The following ZFR2 variants were observed in gnomAD, a reference collection of about 807,000 sequenced individuals.
ZFR2 encodes zinc finger RNA binding protein 2, also known as zinc finger RNA-binding protein 2.
A neutral mutation model predicts 105.7 loss-of-function variants in ZFR2; 104 were observed. The observed-to-expected ratio is 0.98, with a 90% confidence interval of 0.84 to 1.16. ZFR2 has a LOEUF of 1.16. ZFR2 is among the 50% of genes most tolerant of loss of function. The probability of loss-of-function intolerance (pLI) is 0.00; values close to 1 mark genes in which losing one functional copy is unlikely to be tolerated. For synonymous variants in ZFR2, 634 were observed against 597.7 expected, an observed-to-expected ratio of 1.06 and a Z score of -0.89; for missense variants, 1,425 against 1,355.5, an observed-to-expected ratio of 1.05 and a Z score of -0.80.
At chr19:3,843,615 G>A (rs184509278) in intron 1 of ZFR2, among the ~76,000 whole-genome samples, 2,460 of 151,946 alleles carry the variant, frequency 0.016, 67 homozygotes, top group African/African-American at 0.056. Flanking sequence ...GGCAGATCAC[G>A]AGGTCAGGAG....
At chr19:3,844,791 C>G (rs1232407547) in intron 1 of ZFR2, among the ~76,000 whole-genome samples, 1 of 152,198 alleles carries the variant, frequency 6.6e-6, no homozygotes, top group Non-Finnish European at 1.5e-5. Context: ...GAGAACGAGG[C>G]CTGGTACTCT....
intron 1 of ZFR2, among the ~76,000 whole-genome samples, chr19:3,837,824 GATGAACACCATGACTGTGACACTCA>G (rs1402187014): frequency 4.0e-5 from 6 of 151,704 alleles, no homozygotes; most frequent in African/African-American, 1.5e-4. Context: ...ATGGACACTC[GATGAACACCATGACTGTGACACTCA>G]ATGAACACCA....
intron 1 of ZFR2, among the ~76,000 whole-genome samples, chr19:3,840,114 CCTT>C (rs1354411147): frequency 1.3e-5 from 2 of 152,210 alleles, no homozygotes; most frequent in Non-Finnish European, 2.9e-5. Flanking sequence ...GATTTTAACT[CCTT>C]CTTCCCTACG....
intron 1 of ZFR2, among the ~76,000 whole-genome samples, chr19:3,848,478 A>G (rs763259979): frequency 3.3e-5 from 5 of 152,098 alleles, no homozygotes; most frequent in Non-Finnish European, 5.9e-5. Flanking sequence ...TGGGAGGCCA[A>G]GATGGGAGGA....
chr19:3,844,393 A>C (rs1451462372), intron 1 of ZFR2, among the ~76,000 whole-genome samples: 1 of 151,672 alleles, frequency 6.6e-6, no homozygotes, highest in Admixed American at 6.6e-5. Flanking sequence ...TTTGAGACAG[A>C]ATCTTGCTCT....
At chr19:3,810,995 A>G in intron 15 of ZFR2, 150 bp from the exon 16 acceptor site, 1 of 902,648 alleles carries the variant, frequency 1.1e-6, no homozygotes, top group Non-Finnish European at 1.6e-6. Context: ...GTCCACTCCC[A>G]CATGAGCCCG....
At chr19:3,857,695 CA>C (rs11367233) in intron 1 of ZFR2, among the ~76,000 whole-genome samples, 47,767 of 104,252 alleles carry the variant, frequency 0.46, 8,708 homozygotes, top group Admixed American at 0.52. Flanking sequence ...GACCCTGTCT[CA>C]AAAAAAAAAA....
chr19:3,811,243 TC>T, intron 15 of ZFR2, 28 bp downstream of exon 15: 1 of 1,525,434 alleles, frequency 6.6e-7, no homozygotes, highest in Non-Finnish European at 8.8e-7. Context: ...GTCACCCCTC[TC>T]CCCCTGCTCC....
In ZFR2 at chr19:3,833,721, A is replaced by G. The variant is rs1354644849; in HGVS notation, c.322T>C (p.Phe108Leu). 1 of 1,582,320 alleles carries G rather than the reference A, an allele frequency of 6.3e-7. No homozygotes were observed. Among genetic ancestry groups the G allele is most frequent in the East Asian group, 2.3e-5 (1 of 43,320 alleles). The part of the protein sequence containing the change: ...AARSYEDRPY[F>L]QSAALQSGRM... The stretch of plus-strand genomic sequence containing the variant: ...CCAGACTGGAGGGCAGCAGACTGGA[A>G]GTACGGCCTGTCCTCATAGCTCCTG... Residue 108 changes from phenylalanine (F) to leucine (L), a missense_variant, in exon 3 of 19, where the codon TTC becomes CTC. Coordinates refer to ENST00000262961, the MANE Select transcript of ZFR2 (RefSeq NM_015174.2).
rs1568427279 is a variant in ZFR2, at chr19:3,838,038, C to CGCGATGA, written c.54-3056_54-3055insTCATCGC. 1.3e-5 allele frequency among the ~76,000 whole-genome samples: 2 copies of CGCGATGA among 151,018 alleles called. No homozygotes were observed. Among genetic ancestry groups the CGCGATGA allele is most frequent in the South Asian group, 2.1e-4 (1 of 4,770 alleles). On this transcript the variant is annotated intron_variant, in intron 1 of 18. Transcript: ENST00000262961. The surrounding 1 kb of genome is among the most constrained non-coding windows in gnomAD (Gnocchi z 4.9). ...CTTGATGAACACCGTGACTGTGACA[C>CGCGATGA]ACGATGAACACCATGACCGTGACAC...
At chr19:3,853,246 G>C (rs2038260635) in intron 1 of ZFR2, among the ~76,000 whole-genome samples, 1 of 152,162 alleles carries the variant, frequency 6.6e-6, no homozygotes, top group Admixed American at 6.5e-5. Context: ...ACAGGGAGAG[G>C]CCCACAGCCC....
intron 1 of ZFR2, 124 bp downstream of exon 1, chr19:3,868,841 G>T (rs1300442534): frequency 2.4e-6 from 2 of 824,418 alleles, no homozygotes; most frequent in African/African-American, 1.8e-5. Flanking sequence ...CTCAGGCCGG[G>T]GTTCCAGGTT....
chr19:3,815,710 A>G (rs748154873), intron 13 of ZFR2, among the ~76,000 whole-genome samples: 4 of 150,500 alleles, frequency 2.7e-5, no homozygotes, highest in Non-Finnish European at 5.9e-5. Context: ...CAGCTCCCTG[A>G]GTAGCTGGGA....
chr19:3,815,914 G>A (rs1444708935), intron 13 of ZFR2, among the ~76,000 whole-genome samples: 1 of 152,012 alleles, frequency 6.6e-6, no homozygotes, highest in Non-Finnish European at 1.5e-5. Flanking sequence ...ACCACGCCTG[G>A]CTAATTTTTT....
At chr19:3,825,872 C>T (rs1438621372) in intron 6 of ZFR2, among the ~76,000 whole-genome samples, 3 of 152,160 alleles carry the variant, frequency 2.0e-5, no homozygotes, top group Non-Finnish European at 2.9e-5. Flanking sequence ...GTATTCTGGC[C>T]GTGCCCCATT....
chr19:3,828,456 A>C (rs951450823), intron 5 of ZFR2, among the ~76,000 whole-genome samples: 8 of 152,170 alleles, frequency 5.3e-5, no homozygotes, highest in Admixed American at 3.9e-4. Flanking sequence ...GGGCTGCTGT[A>C]TACAGAAAAT....
At chr19:3,808,097 C>T (rs896677772) in intron 17 of ZFR2, among the ~76,000 whole-genome samples, 6 of 132,998 alleles carry the variant, frequency 4.5e-5, no homozygotes, top group African/African-American at 1.7e-4. Context: ...CCATGTGTGC[C>T]TGTATGTGTG....
rs534261089 is a variant in ZFR2, at chr19:3,852,483, C to T, written c.53+16482G>A. 249 of 718,570 alleles carry T rather than the reference C, an allele frequency of 3.5e-4. 5 individuals are homozygous for T. In the South Asian group the frequency reaches 3.5e-3, roughly 10 times the overall value. 44.5% of individuals were successfully genotyped at this position (718,570 alleles called of 1,614,324 possible). A position where few individuals can be genotyped will look rare whatever the true frequency, so the allele number is the denominator to read the frequency against. Reference sequence around the variant, plus strand: ...CCAGGCAGGGTCCCATAAGATGGAGCAGATGCAGGCAAGGCCTCTTAAGCT... The same window carrying T: ...CCAGGCAGGGTCCCATAAGATGGAGTAGATGCAGGCAAGGCCTCTTAAGCT... On this transcript the variant is annotated intron_variant, in intron 1 of 18. Transcript: ENST00000262961.
intron 1 of ZFR2, among the ~76,000 whole-genome samples, chr19:3,856,530 A>G (rs1261258056): frequency 6.6e-6 from 1 of 152,098 alleles, no homozygotes; most frequent in Non-Finnish European, 1.5e-5. Context: ...CACCACCCCA[A>G]AAAGAAACCT....
Sources: allele counts gnomAD v4.1 joint callset (sites outside exome capture counted in the v4.1 genomes callset), GRCh38; gene constraint gnomAD v4.1.1; non-coding constraint Gnocchi (gnomAD v3.1); transcripts MANE v1.5; gene names NCBI Gene and HGNC (gene_info 2026-07-23, HGNC 2026-07-21).